The following DPH6 variants were observed in gnomAD, a reference collection of about 807,000 sequenced individuals.
DPH6 encodes the protein diphthamine biosynthesis 6.
A neutral mutation model predicts 38.2 loss-of-function variants in DPH6; 33 were observed. The observed-to-expected ratio is 0.86, with a 90% CI of 0.65 to 1.15. The LOEUF (loss-of-function observed/expected upper bound fraction) is 1.15. Ranked by LOEUF, DPH6 falls within the 50% of genes most tolerant of loss-of-function variation. DPH6 has a pLI of 0.00. For synonymous variants in DPH6, 108 were observed against 103.0 expected, an observed-to-expected ratio of 1.05 and a Z score of -0.30; for missense variants, 325 against 320.0, an observed-to-expected ratio of 1.02 and a Z score of -0.12.
intron 5 of DPH6, among the ~76,000 whole-genome samples, chr15:35,417,054 A>T (rs1476086175): frequency 2.6e-5 from 4 of 152,080 alleles, no homozygotes; most frequent in Non-Finnish European, 5.9e-5. Flanking sequence ...TGATTCCATA[A>T]ATATCAAACT....
intron 6 of DPH6, among the ~76,000 whole-genome samples, chr15:35,388,030 T>G (rs539397598): frequency 1.3e-5 from 2 of 152,314 alleles, no homozygotes; most frequent in African/African-American, 4.8e-5. Flanking sequence ...AATATCTAAT[T>G]TATTGAGAGT....
At chr15:35,316,040 G>A (rs1445180971) in intron 3 of DPH6, among the ~76,000 whole-genome samples, 2 of 152,084 alleles carry the variant, frequency 1.3e-5, no homozygotes, top group Non-Finnish European at 2.9e-5. Context: ...GCCAGGAAGG[G>A]TAGGGGGAAG....
intron 6 of DPH6, chr15:35,400,850 C>A: frequency 1.3e-6 from 1 of 798,428 alleles, no homozygotes; most frequent in Non-Finnish European, 2.2e-6. Context: ...ACCAAACATT[C>A]CAGGGGCTTT....
chr15:35,515,225 A>G (rs2054828903), intron 3 of DPH6, among the ~76,000 whole-genome samples: 1 of 152,104 alleles, frequency 6.6e-6, no homozygotes, highest in African/African-American at 2.4e-5. Flanking sequence ...ATAGCATGTG[A>G]CTTCTTTTCC....
chr15:35,366,396 T>C (rs753119385), downstream of DPH6, among the ~76,000 whole-genome samples: 3 of 151,976 alleles, frequency 2.0e-5, no homozygotes, highest in Non-Finnish European at 4.4e-5. Flanking sequence ...ATTGTCTCTT[T>C]CTACCAAGAC....
chr15:35,514,182 A>C (rs1428529308), intron 3 of DPH6, among the ~76,000 whole-genome samples: 1 of 121,218 alleles, frequency 8.2e-6, no homozygotes, highest in Non-Finnish European at 1.6e-5. Flanking sequence ...ATGTAAATAA[A>C]ATCTTACAAC....
At chr15:35,165,442 G>T in the DPH6 span, among the ~76,000 whole-genome samples, 1 of 151,784 alleles carries the variant, frequency 6.6e-6, no homozygotes, top group Non-Finnish European at 1.5e-5. Flanking sequence ...TGGTGGTGAA[G>T]CTTTCAAATA....
chr15:35,542,290 A>T, intron 2 of DPH6, 123 bp downstream of exon 2: 1 of 743,004 alleles, frequency 1.3e-6, no homozygotes, highest in Non-Finnish European at 2.1e-6. Context: ...ACTAGCATCT[A>T]ATGGGTGCTT....
At chr15:35,181,058 T>G in the DPH6 span, among the ~76,000 whole-genome samples, 9 of 152,216 alleles carry the variant, frequency 5.9e-5, no homozygotes, top group African/African-American at 2.2e-4. Flanking sequence ...GCCAGACAAC[T>G]GAGGCTTAAA....
chr15:35,261,776 T>TCTC (rs1404503708), intron 3 of DPH6, among the ~76,000 whole-genome samples: 3 of 150,876 alleles, frequency 2.0e-5, no homozygotes, highest in African/African-American at 4.9e-5. Context: ...GAGGCTTCAG[T>TCTC]AAGCCCTGAT....
chr15:35,534,195 T>C (rs1003550182), intron 3 of DPH6, among the ~76,000 whole-genome samples: 34 of 151,812 alleles, frequency 2.2e-4, no homozygotes, highest in African/African-American at 7.7e-4. Flanking sequence ...CTGACCAACA[T>C]GGAGAAACCC....
intron 3 of DPH6, among the ~76,000 whole-genome samples, chr15:35,222,484 C>A (rs2051448823): frequency 6.6e-6 from 1 of 152,046 alleles, no homozygotes; most frequent in Non-Finnish European, 1.5e-5. Context: ...GAGACATCAA[C>A]CAATACATGT....
chr15:35,308,372 C>G (rs1465648978), intron 3 of DPH6, among the ~76,000 whole-genome samples: 1 of 152,108 alleles, frequency 6.6e-6, no homozygotes, highest in Non-Finnish European at 1.5e-5. Context: ...AGCAAAATAT[C>G]ACATTGTATC....
chr15:35,435,881 G>A (rs781333241), intron 5 of DPH6, among the ~76,000 whole-genome samples: 3 of 151,798 alleles, frequency 2.0e-5, no homozygotes, highest in Non-Finnish European at 2.9e-5. Context: ...TCCCTTCTTC[G>A]CTCTCGGGGT....
intron 3 of DPH6, among the ~76,000 whole-genome samples, chr15:35,461,197 G>A (rs908983790): frequency 5.9e-5 from 9 of 152,116 alleles, no homozygotes; most frequent in Admixed American, 3.9e-4. Flanking sequence ...CAATTCTCCC[G>A]CCTCAGCCTT....
At chr15:35,523,498 C>G (rs905897944) in intron 3 of DPH6, among the ~76,000 whole-genome samples, 1 of 151,736 alleles carries the variant, frequency 6.6e-6, no homozygotes, top group East Asian at 1.9e-4. Flanking sequence ...TATTATAGAA[C>G]AAGACTTCCC....
At chr15:35,530,535 T>C (rs1209137820) in intron 3 of DPH6, among the ~76,000 whole-genome samples, 1 of 152,128 alleles carries the variant, frequency 6.6e-6, no homozygotes, top group African/African-American at 2.4e-5. Context: ...GCACTGACTC[T>C]GGGAAAAGAT....
chr15:35,381,453 C>A lies in DPH6; in HGVS notation c.662+369G>T, dbSNP rs957067535. Among the ~76,000 whole-genome samples the A allele has an allele frequency of 1.1e-4, 17 of 152,112 alleles. 1 individual carries two copies. Among genetic ancestry groups the A allele is most frequent in the Admixed American group, 9.8e-4 (15 of 15,270 alleles). ...AAAAAAGAGGAAGGAGTTAATGGAA[C>A]CCACAGGCTACTGATGTGGCAGTTT... On this transcript the variant is annotated intron_variant, in intron 7 of 8. Coordinates refer to ENST00000256538, the MANE Select transcript of DPH6 (RefSeq NM_080650.4).
chr15:35,328,817 G>A (rs554746303), downstream of DPH6, among the ~76,000 whole-genome samples: 3 of 152,166 alleles, frequency 2.0e-5, no homozygotes, highest in South Asian at 6.2e-4. Context: ...GTTTACAAAA[G>A]AAAGAGGTTT....
Sources: allele counts gnomAD v4.1 joint callset (sites outside exome capture counted in the v4.1 genomes callset), GRCh38; gene constraint gnomAD v4.1.1; transcripts MANE v1.5; gene names NCBI Gene and HGNC (gene_info 2026-07-23, HGNC 2026-07-21).